PPP2R1A: variants seen among roughly 807,000 people sequenced by gnomAD.
PPP2R1A encodes serine/threonine-protein phosphatase 2A 65 kDa regulatory subunit A alpha isoform.
PPP2R1A carries 15 observed loss-of-function variants against 67.1 expected under a neutral mutation model. That is an observed-to-expected ratio of 0.22 (90% CI 0.15 to 0.34). The LOEUF is 0.34. Among genes scored for constraint, PPP2R1A ranks in the 10% least tolerant of loss-of-function variants. The pLI, the probability that PPP2R1A is intolerant of heterozygous loss-of-function variation, is 1.00. For missense variants in PPP2R1A, 369 were observed against 775.0 expected (o/e 0.48, Z 6.22); for synonymous variants, 337 against 325.0 (o/e 1.04, Z -0.40).
intron 1 of PPP2R1A, among the ~76,000 whole-genome samples, chr19:52,198,945 A>G (rs2089522099): frequency 6.6e-6 from 1 of 152,142 alleles, no homozygotes; most frequent in Non-Finnish European, 1.5e-5. Flanking sequence ...GTTTGTTGCT[A>G]TTGTTCTGGC....
Position 52,206,016 on chromosome 19 carries a change from A to G in PPP2R1A, c.223A>G (p.Thr75Ala). The G allele has an allele frequency of 6.2e-7, 1 of 1,614,102 alleles. No individual in the cohort carries two copies. The highest frequency in any genetic ancestry group is 8.5e-7 in the Non-Finnish European group (1 of 1,179,972). The part of the protein sequence containing the change: ...VLLALAEQLG[T>A]FTTLVGGPEY... Reference sequence around the variant, plus strand: ...CCTGGCCCTGGCAGAACAGCTGGGAACCTTCACTACCCTGGTGGGAGGCCC... The same window carrying G: ...CCTGGCCCTGGCAGAACAGCTGGGAGCCTTCACTACCCTGGTGGGAGGCCC... Residue 75 changes from threonine (T) to alanine (A), a missense_variant, in exon 3 of 15, where the codon ACC becomes GCC. By Grantham distance (58) the Thr-to-Ala change is moderately conservative. Coordinates refer to ENST00000322088, the MANE Select transcript of PPP2R1A (RefSeq NM_014225.6).
chr19:52,213,040 C>T lies in PPP2R1A; in HGVS notation c.737C>T (p.Pro246Leu). 1 of 1,611,312 alleles carries T rather than the reference C, an allele frequency of 6.2e-7. No homozygotes were observed. The highest frequency in any genetic ancestry group is 8.5e-7 in the Non-Finnish European group (1 of 1,179,428). Residue 246 changes from proline to leucine, a missense_variant, in exon 6 of 15, where the codon CCC (proline) becomes CTC (leucine). By Grantham distance (98) the Pro-to-Leu change is moderately conservative. Coordinates refer to ENST00000322088, the MANE Select transcript of PPP2R1A (RefSeq NM_014225.6). This position sits in a 1 kb window ranked among gnomAD's most constrained non-coding sequence, Gnocchi z 4.2. ...GAGGATCTGGAGGCCCTGGTGATGC[C>T]CACTCTGCGCCAGGCCGCTGAAGAC... ...PQEDLEALVMPTLRQAAEDKS... is the reference protein window; with the variant it reads ...PQEDLEALVMLTLRQAAEDKS...
At chr19:52,221,222 A>G in intron 12 of PPP2R1A, 89 bp downstream of exon 12, 1 of 1,536,944 alleles carries the variant, frequency 6.5e-7, no homozygotes, top group Non-Finnish European at 8.9e-7. Flanking sequence ...CAAGGGAGAC[A>G]CCTGGCTTGG....
In PPP2R1A at chr19:52,226,180, G is replaced by A. The variant is rs1979250554; in HGVS notation, c.*199G>A. ...GTCCACCTCCCAACGGGCTAGGGGA[G>A]CACGGGGTTGGACAGGACAGTGACC... On this transcript the variant is annotated 3_prime_UTR_variant, in exon 15 of 15. Coordinates refer to ENST00000322088, the MANE Select transcript of PPP2R1A (RefSeq NM_014225.6). 1.3e-6 allele frequency: 1 copy of A among 797,998 alleles called. No homozygotes were observed. Among genetic ancestry groups the A allele is most frequent in the Admixed American group, 2.7e-5 (1 of 37,372 alleles). The allele number at this position is 797,998 out of a possible 1,614,324, so 49.4% of individuals were successfully genotyped here.
intron 2 of PPP2R1A, among the ~76,000 whole-genome samples, chr19:52,204,752 T>C (rs780743091): frequency 2.0e-5 from 3 of 152,146 alleles, no homozygotes; most frequent in Non-Finnish European, 4.4e-5. Context: ...GGAGTCACAT[T>C]GGCGAGAATT....
Position 52,219,551 on chromosome 19 carries a change from C to A in PPP2R1A, c.1129-140C>A. On this transcript the variant is annotated intron_variant, in intron 9 of 14. Transcript: ENST00000322088. The surrounding 1 kb of genome is among the most constrained non-coding windows in gnomAD (Gnocchi z 4.0). ...CTTTTTGTGTGCCGTTAATGTGTTC[C>A]CAGAACGGGGAGCTGGGCTTGGACA... 1.2e-6 allele frequency: 1 copy of A among 820,280 alleles called. No homozygotes were observed. The allele number at this position is 820,280 out of a possible 1,614,324, so 50.8% of individuals were successfully genotyped here.
rs1314622307 is a variant in PPP2R1A at position 52,211,665 on chromosome 19, G to A, written c.503+173G>A. On this transcript the variant is annotated intron_variant, in intron 4 of 14. Coordinates refer to ENST00000322088, the MANE Select transcript of PPP2R1A (RefSeq NM_014225.6). The surrounding 1 kb of genome is among the most constrained non-coding windows in gnomAD (Gnocchi z 5.3). The stretch of plus-strand genomic sequence containing the variant: ...CCTCGAGAGTTGGTCTCTGGACACG[G>A]CCACGTGTCAGTTTACCCACCTCTG... 2 of 665,116 alleles carry A rather than the reference G, an allele frequency of 3.0e-6. No individual in the cohort carries two copies. Among genetic ancestry groups the A allele is most frequent in the East Asian group, 5.5e-5 (2 of 36,154 alleles). The allele number at this position is 665,116 out of a possible 1,614,324, so 41.2% of individuals were successfully genotyped here. A position where few individuals can be genotyped will look rare whatever the true frequency, so the allele number is the denominator to read the frequency against.
intron 2 of PPP2R1A, among the ~76,000 whole-genome samples, chr19:52,203,079 C>T (rs2089567645): frequency 6.6e-6 from 1 of 152,188 alleles, no homozygotes; most frequent in Non-Finnish European, 1.5e-5. Context: ...AGTGCTTTGT[C>T]ACTAAACTCT....
chr19:52,199,460 C>T (rs1031261879), intron 1 of PPP2R1A, among the ~76,000 whole-genome samples: 41 of 151,652 alleles, frequency 2.7e-4, no homozygotes, highest in African/African-American at 8.5e-4. Context: ...TGAGCCACTG[C>T]GCCTGGCCTC....
chr19:52,226,796 A>G lies in PPP2R1A; in HGVS notation c.*815A>G, dbSNP rs560260845. On this transcript the variant is annotated 3_prime_UTR_variant, in exon 15 of 15. Coordinates refer to ENST00000322088, the MANE Select transcript of PPP2R1A (RefSeq NM_014225.6). Reference sequence around the variant, plus strand: ...TTGTATTGTGTAAAATGAGAGTTACAGTAATACCTAGATTGCAGGGTGGGT... The same window carrying G: ...TTGTATTGTGTAAAATGAGAGTTACGGTAATACCTAGATTGCAGGGTGGGT... 1 of 153,088 alleles carries G rather than the reference A, an allele frequency of 6.5e-6. No homozygotes were observed. The highest frequency in any genetic ancestry group is 3.3e-3 in the Middle Eastern group (1 of 304). The allele number at this position is 153,088 out of a possible 1,614,324, so 9.5% of individuals were successfully genotyped here.
chr19:52,191,598 T>G (rs1229441103), intron 1 of PPP2R1A, among the ~76,000 whole-genome samples: 2 of 152,174 alleles, frequency 1.3e-5, no homozygotes, highest in East Asian at 3.8e-4. Flanking sequence ...AGGTTGTGGT[T>G]GTATTCCCGG....
intron 1 of PPP2R1A, among the ~76,000 whole-genome samples, chr19:52,190,768 A>C (rs2089446684): frequency 6.6e-6 from 1 of 152,172 alleles, no homozygotes; most frequent in African/African-American, 2.4e-5. Context: ...TTAGGAGCGA[A>C]TTAGGTTGTA....
intron 3 of PPP2R1A, among the ~76,000 whole-genome samples, chr19:52,210,523 C>T (rs563884110): frequency 1.6e-4 from 23 of 143,832 alleles, no homozygotes; most frequent in African/African-American, 5.7e-4. Context: ...GACGGAGTCT[C>T]GCTGTGTTGC....
intron 3 of PPP2R1A, among the ~76,000 whole-genome samples, chr19:52,207,727 AG>A (rs1465942201): frequency 6.6e-6 from 1 of 152,222 alleles, no homozygotes; most frequent in East Asian, 1.9e-4. Context: ...TGCCCAGATG[AG>A]GAAACTGAGG....
chr19:52,222,159 C>T lies in PPP2R1A; in HGVS notation c.1579C>T (p.Arg527Cys), dbSNP rs770194852. ...TTKHMLPTVLRMAGDPVANVR... is the reference protein window; with the variant it reads ...TTKHMLPTVLCMAGDPVANVR... Reference sequence around the variant, plus strand: ...CAAGCACATGCTACCCACGGTTCTGCGCATGGCTGGGGACCCGGTTGCCAA... The same window carrying T: ...CAAGCACATGCTACCCACGGTTCTGTGCATGGCTGGGGACCCGGTTGCCAA... Residue 527 changes from arginine to cysteine, a missense_variant, in exon 13 of 15, where the codon CGC becomes TGC. Arg to Cys is a radical substitution (Grantham distance 180). This residue lies in a region of PPP2R1A where 276 missense variants were observed against 508.4 expected (regional missense o/e 0.54). Transcript: ENST00000322088. 8.7e-6 allele frequency: 14 copies of T among 1,614,040 alleles called. No individual in the cohort carries two copies. Among genetic ancestry groups the T allele is most frequent in the South Asian group, 1.1e-5 (1 of 91,080 alleles).
At chr19:52,206,587 G>C (rs1167283857) in intron 3 of PPP2R1A, among the ~76,000 whole-genome samples, 1 of 152,142 alleles carries the variant, frequency 6.6e-6, no homozygotes, top group South Asian at 2.1e-4. Context: ...GCCACCTGGA[G>C]CACTGAGAGG....
At chr19:52,197,396 C>T (rs1003844098) in intron 1 of PPP2R1A, among the ~76,000 whole-genome samples, 2 of 152,050 alleles carry the variant, frequency 1.3e-5, no homozygotes, top group Non-Finnish European at 2.9e-5. Flanking sequence ...CAAAAAAAGC[C>T]GGGTGCAGTG....
chr19:52,217,256 T>C (rs1180549000), intron 9 of PPP2R1A, among the ~76,000 whole-genome samples: 6 of 152,244 alleles, frequency 3.9e-5, no homozygotes, highest in Non-Finnish European at 8.8e-5. Context: ...TGCAGTGCAG[T>C]GATGTGATCA....
In PPP2R1A at chr19:52,213,775, C is replaced by T. The variant is rs1043310851; in HGVS notation, c.807+665C>T. Among the ~76,000 whole-genome samples, 8 of 151,876 alleles carry T rather than the reference C, an allele frequency of 5.3e-5. No homozygotes were observed. The highest frequency in any genetic ancestry group is 2.0e-4 in the Admixed American group (3 of 15,248). On this transcript the variant is annotated intron_variant, in intron 6 of 14. Transcript: ENST00000322088. This position sits in a 1 kb window ranked among gnomAD's most constrained non-coding sequence, Gnocchi z 4.2. ...TGCTGGGATTACAGGTGTTAGCCACCGCGCCCAGCCCCGGAAAGTTTAATT... is the reference window on the plus strand; with the variant it reads ...TGCTGGGATTACAGGTGTTAGCCACTGCGCCCAGCCCCGGAAAGTTTAATT...
Sources: allele counts gnomAD v4.1 joint callset (sites outside exome capture counted in the v4.1 genomes callset), GRCh38; gene constraint gnomAD v4.1.1; regional missense constraint gnomAD v4.1.1; non-coding constraint Gnocchi (gnomAD v3.1); transcripts MANE v1.5; gene names NCBI Gene and HGNC (gene_info 2026-07-23, HGNC 2026-07-21).